Variants in LAMC3 observed in about 807,000 individuals in gnomAD.
LAMC3 encodes the protein laminin subunit gamma 3, also known as laminin subunit gamma-3.
In LAMC3, 128 loss-of-function variants were observed where a neutral mutation model predicts 173.8. The ratio of observed to expected loss-of-function variants is 0.74; its 90% CI spans 0.64 to 0.85. The LOEUF (loss-of-function observed/expected upper bound fraction) is 0.85. Among genes scored for constraint, LAMC3 ranks in the 40% least tolerant of loss-of-function variants. The pLI, the probability that LAMC3 is intolerant of heterozygous loss-of-function variation, is 0.00. For synonymous variants in LAMC3, 897 were observed against 909.1 expected, an observed-to-expected ratio of 0.99 and a Z score of 0.24; for missense variants, 2,022 against 2,156.0, an observed-to-expected ratio of 0.94 and a Z score of 1.23.
intron 6 of LAMC3, among the ~76,000 whole-genome samples, chr9:131,039,549 TG>T (rs1366149143): frequency 7.1e-6 from 1 of 141,094 alleles, no homozygotes; most frequent in African/African-American, 2.7e-5. Flanking sequence ...TGAGGTGGGG[TG>T]GGGGGCACGG....
chr9:131,012,278 T>TTTG (rs1833430743), intron 1 of LAMC3, among the ~76,000 whole-genome samples: 1 of 152,178 alleles, frequency 6.6e-6, no homozygotes, highest in African/African-American at 2.4e-5. Context: ...GAAAGGAGGC[T>TTTG]TTGGACTTAG....
intron 20 of LAMC3, 121 bp downstream of exon 20, chr9:131,073,442 A>AT: frequency 1.3e-6 from 1 of 768,594 alleles, no homozygotes; most frequent in East Asian, 2.6e-5. Context: ...GAGCTGTCTG[A>AT]TGGAGGCAGT....
At chr9:131,051,479 T>G (rs1028020263) in intron 9 of LAMC3, among the ~76,000 whole-genome samples, 9 of 150,526 alleles carry the variant, frequency 6.0e-5, no homozygotes, top group South Asian at 2.1e-4. Flanking sequence ...ATTCCCTGCC[T>G]CAGCCTCCTG....
rs139338064 is a variant in LAMC3, at chr9:131,069,703, G to A, written c.2922G>A (p.Ser974=). The change falls in exon 17 of 28, where the codon TCG becomes TCA. Residue 974 remains serine (S), a synonymous_variant. Transcript: ENST00000361069. ...GGTGCTCCCCACTGGGCGCTGCCTCGGCCCAGTGCCACGAGAACGGCACAT... is the reference window on the plus strand; with the variant it reads ...GGTGCTCCCCACTGGGCGCTGCCTCAGCCCAGTGCCACGAGAACGGCACAT... ...ACRCSPLGAA[S]AQCHENGTCV... The A allele has an allele frequency of 5.4e-5, 86 of 1,602,302 alleles. No homozygotes were observed. The African/African-American group carries it at 5.4e-4, about 10-fold the overall frequency.
chr9:131,041,179 CAACATGGTGAAACCCTGTCTCTACT>C, intron 6 of LAMC3, among the ~76,000 whole-genome samples: 1 of 152,088 alleles, frequency 6.6e-6, no homozygotes, highest in East Asian at 1.9e-4. Flanking sequence ...CCAGTCTAGC[CAACATGGTGAAACCCTGTCTCTACT>C]AAAAATACAA....
rs968463433 is a variant in LAMC3 at position 131,061,124 on chromosome 9, G to A, written c.2248G>A (p.Asp750Asn). The change falls in exon 13 of 28, where the codon GAC becomes AAC. Residue 750 changes from aspartate to asparagine, a missense_variant. Transcript: ENST00000361069. ...TGGCAACCCTTTCGCGGGCCAAGCC[G>A]ACGACTGCCAGCCCTGTCCCTGCCC... ...FYGNPFAGQADDCQPCPCPGQ... is the reference protein window; with the variant it reads ...FYGNPFAGQANDCQPCPCPGQ... 1.2e-5 allele frequency: 20 copies of A among 1,613,650 alleles called. No homozygotes were observed. Among genetic ancestry groups the A allele is most frequent in the Admixed American group, 1.7e-5 (1 of 60,004 alleles).
Position 131,094,238 on chromosome 9 carries a change from C to G in LAMC3, c.*2451C>G, listed in dbSNP as rs1830468946. ...TACATGTCATCAGGTCCAGTGCTTG[C>G]AAGAGACAAGCTGGTGACTCTGTCC... On this transcript the variant is annotated 3_prime_UTR_variant, in exon 28 of 28. Coordinates refer to ENST00000361069, the MANE Select transcript of LAMC3 (RefSeq NM_006059.4). 1 of 152,172 alleles carries G rather than the reference C, an allele frequency of 6.6e-6. No individual in the cohort carries two copies. The allele number at this position is 152,172 out of a possible 1,614,324, so 9.4% of individuals were successfully genotyped here.
rs1186517778 is a variant in LAMC3, at chr9:131,091,582, C to T, written c.4523C>T (p.Thr1508Ile). ...HQAPAQALNE[T>I]QWALERLRLQ... ...GCCCCAGCCCAGGCCCTGAACGAGA[C>T]TCAGTGGGCACTAGAACGCCTGAGG... is the stretch of plus-strand genomic sequence containing the variant. The change falls in exon 28 of 28, where the codon ACT (threonine) becomes ATT (isoleucine). Residue 1508 changes from threonine (T) to isoleucine (I), a missense_variant. By Grantham distance (89) the Thr-to-Ile change is moderately conservative (BLOSUM62 -1). Transcript: ENST00000361069. 1.9e-6 allele frequency: 3 copies of T among 1,591,142 alleles called. No individual in the cohort carries two copies. Among genetic ancestry groups the T allele is most frequent in the African/African-American group, 1.3e-5 (1 of 74,682 alleles).
intron 8 of LAMC3, 103 bp from the exon 9 acceptor site, chr9:131,048,917 C>T (rs939343410): frequency 1.4e-5 from 9 of 660,442 alleles, no homozygotes; most frequent in African/African-American, 3.7e-5. Context: ...CTAGCTTCTC[C>T]TGGGGCTCCC....
intron 3 of LAMC3, among the ~76,000 whole-genome samples, chr9:131,035,427 T>C (rs940506032): frequency 6.6e-6 from 1 of 150,992 alleles, no homozygotes; most frequent in Non-Finnish European, 1.5e-5. Context: ...GAGCAGGGGA[T>C]GGGGTGGGGC....
intron 6 of LAMC3, among the ~76,000 whole-genome samples, chr9:131,040,556 G>A (rs1325334677): frequency 3.9e-5 from 6 of 152,132 alleles, no homozygotes; most frequent in Admixed American, 1.3e-4. Context: ...AACACATTGG[G>A]GATATCTAGG....
chr9:131,090,958 C>T (rs1449272945), intron 27 of LAMC3, among the ~76,000 whole-genome samples: 1 of 152,142 alleles, frequency 6.6e-6, no homozygotes, highest in Non-Finnish European at 1.5e-5. Flanking sequence ...GAACCTGAGG[C>T]CACAGTAAGC....
intron 3 of LAMC3, 89 bp downstream of exon 3, chr9:131,032,264 G>A: frequency 1.8e-6 from 1 of 553,086 alleles, no homozygotes; most frequent in Non-Finnish European, 3.5e-6. Flanking sequence ...GGGGTGGGGG[G>A]GCACAGAAGC....
intron 13 of LAMC3, 32 bp downstream of exon 13, chr9:131,061,255 G>T: frequency 1.3e-6 from 2 of 1,568,184 alleles, no homozygotes; most frequent in Non-Finnish European, 1.7e-6. Flanking sequence ...GCCCTGCCCC[G>T]CAGAGGGCCA....
chr9:131,083,490 G>A (rs75428492), intron 24 of LAMC3, among the ~76,000 whole-genome samples: 3 of 149,226 alleles, frequency 2.0e-5, no homozygotes, highest in East Asian at 3.9e-4. Context: ...GGGTGTGGCC[G>A]GGGGTCTCCT....
chr9:131,073,112 G>T (rs929765041), intron 19 of LAMC3, 133 bp from the exon 20 acceptor site: 12 of 770,944 alleles, frequency 1.6e-5, no homozygotes, highest in Non-Finnish European at 2.7e-5. Flanking sequence ...ACTGAATGCC[G>T]ATGTTGTGGC....
At chr9:131,035,579 T>A (rs533751510) in intron 3 of LAMC3, among the ~76,000 whole-genome samples, 1 of 152,050 alleles carries the variant, frequency 6.6e-6, no homozygotes, top group Admixed American at 6.6e-5. Context: ...ACCTCCAACA[T>A]TGGGGATTGC....
rs1159170904 is a variant in LAMC3, at chr9:131,085,546, G to A, written c.4053G>A (p.Arg1351=). 1 of 1,613,994 alleles carries A rather than the reference G, an allele frequency of 6.2e-7. No individual in the cohort carries two copies. Among genetic ancestry groups the A allele is most frequent in the Admixed American group, 1.7e-5 (1 of 60,022 alleles). Reference sequence around the variant, plus strand: ...CAGGAATGAAGCTGCAGTTTCCCCGGCCCAAGGACCAGGCGGCATTGCAGA... The same window carrying A: ...CAGGAATGAAGCTGCAGTTTCCCCGACCCAAGGACCAGGCGGCATTGCAGA... ...DLEGMKLQFP[R]PKDQAALQRK... The change falls in exon 25 of 28, where the codon CGG becomes CGA. Residue 1351 remains arginine (R), a synonymous_variant. Coordinates refer to ENST00000361069, the MANE Select transcript of LAMC3 (RefSeq NM_006059.4).
At chr9:131,022,493 C>T (rs1833644830) in intron 1 of LAMC3, among the ~76,000 whole-genome samples, 1 of 152,098 alleles carries the variant, frequency 6.6e-6, no homozygotes, top group African/African-American at 2.4e-5. Flanking sequence ...CTATACAATC[C>T]AGTGGTTTTT....
Sources: gnomAD v4.1 joint callset for allele counts (sites outside exome capture counted in the v4.1 genomes callset) on GRCh38, gnomAD v4.1.1 for gene constraint, MANE v1.5 for transcripts, NCBI Gene and HGNC (gene_info 2026-07-23, HGNC 2026-07-21) for gene names.